The following CNTN5 variants were observed in gnomAD, a reference collection of about 807,000 sequenced individuals.
CNTN5 encodes contactin-5.
A neutral mutation model predicts 129.1 loss-of-function variants in CNTN5; 77 were observed. That is an observed-to-expected ratio of 0.60 (90% CI 0.50 to 0.72). CNTN5 has a LOEUF of 0.72. Ranked by LOEUF, CNTN5 falls within the 30% of genes least tolerant of loss-of-function variation. The pLI is 0.00. For missense variants in CNTN5, 1,478 were observed against 1,328.8 expected (o/e 1.11, Z -1.75); for synonymous variants, 509 against 465.6 (o/e 1.09, Z -1.20).
chr11:99,021,917 C>T (rs1266194797), intron 1 of CNTN5, among the ~76,000 whole-genome samples: 2 of 152,302 alleles, frequency 1.3e-5, no homozygotes, highest in South Asian at 2.1e-4. Flanking sequence ...TCAATTTGCA[C>T]ATACACAAAC....
chr11:100,009,185 A>C (rs11222334), intron 9 of CNTN5, among the ~76,000 whole-genome samples: 1 of 151,880 alleles, frequency 6.6e-6, no homozygotes, highest in Non-Finnish European at 1.5e-5. Flanking sequence ...AGAAACCTCT[A>C]CTTAAATCTG....
At chr11:100,172,142 A>G (rs928506146) in intron 13 of CNTN5, among the ~76,000 whole-genome samples, 38 of 152,200 alleles carry the variant, frequency 2.5e-4, no homozygotes, top group African/African-American at 8.9e-4. Flanking sequence ...GTTTGCATTA[A>G]AACTAATAAT....
chr11:99,962,183 G>C (rs571807932), intron 8 of CNTN5, among the ~76,000 whole-genome samples: 2 of 152,248 alleles, frequency 1.3e-5, no homozygotes, highest in South Asian at 4.1e-4. Context: ...TATACCTTAA[G>C]TTTTAGAGTA....
intron 3 of CNTN5, among the ~76,000 whole-genome samples, chr11:99,595,356 TA>T (rs34885849): frequency 0.97 from 147,811 of 152,090 alleles, 71,968 homozygotes; most frequent in East Asian, 1. Flanking sequence ...AATTATATAT[TA>T]AAAAATAAAA....
intron 4 of CNTN5, among the ~76,000 whole-genome samples, chr11:99,830,641 T>C (rs1444929173): frequency 6.6e-6 from 1 of 152,206 alleles, no homozygotes; most frequent in African/African-American, 2.4e-5. Flanking sequence ...AAATACATCA[T>C]GTCAGTTTCC....
intron 8 of CNTN5, among the ~76,000 whole-genome samples, chr11:99,989,439 A>G (rs1938906035): frequency 6.6e-6 from 1 of 152,146 alleles, no homozygotes; most frequent in Admixed American, 6.6e-5. Flanking sequence ...GGCAGGTCAT[A>G]AAAATCAAAG....
chr11:99,819,554 A>G lies in CNTN5; in HGVS notation c.66A>G (p.Lys22=), dbSNP rs1946719837. 5 of 1,610,842 alleles carry G rather than the reference A, an allele frequency of 3.1e-6. No homozygotes were observed. The highest frequency in any genetic ancestry group is 1.3e-5 in the African/African-American group (1 of 75,002). ...TTTTTTCTCTTACAGAGTATTCAAA[A>G]TCTCTTCCTGGTCTCTCCACTTCAT... The part of the protein sequence containing the change: ...SVTMCLSEYS[K]SLPGLSTSYA... Residue 22 remains lysine (K), a synonymous_variant, in exon 4 of 25, where the codon AAA becomes AAG. Coordinates refer to ENST00000524871, the MANE Select transcript of CNTN5 (RefSeq NM_014361.4).
chr11:100,282,011 T>A (rs1297809696), intron 18 of CNTN5, among the ~76,000 whole-genome samples: 2 of 151,826 alleles, frequency 1.3e-5, no homozygotes, highest in African/African-American at 2.4e-5. Context: ...TTTTTTTTTT[T>A]TTTTACTTTC....
At chr11:99,949,661 C>T (rs10501937) in intron 7 of CNTN5, among the ~76,000 whole-genome samples, 24,929 of 152,084 alleles carry the variant, frequency 0.16, 2,400 homozygotes, top group African/African-American at 0.26. Context: ...AAATTTAGGC[C>T]GCCTTTTGAA....
chr11:99,863,178 C>G (rs965295772), intron 6 of CNTN5, among the ~76,000 whole-genome samples: 1 of 152,116 alleles, frequency 6.6e-6, no homozygotes, highest in Non-Finnish European at 1.5e-5. Context: ...ATAGAAAATA[C>G]GTGAGTTGCT....
intron 3 of CNTN5, among the ~76,000 whole-genome samples, chr11:99,762,405 C>CCAT (rs1944612258): frequency 2.0e-5 from 3 of 151,922 alleles, no homozygotes; most frequent in African/African-American, 7.2e-5. Context: ...TTAGGTCTAA[C>CCAT]GTTTAAGTCT....
chr11:99,436,470 A>G (rs1244611305), intron 2 of CNTN5, among the ~76,000 whole-genome samples: 2 of 152,066 alleles, frequency 1.3e-5, no homozygotes, highest in Non-Finnish European at 2.9e-5. Flanking sequence ...TTTGAATCTT[A>G]CTCACTTTAT....
chr11:99,175,396 T>C (rs778996524), intron 1 of CNTN5, among the ~76,000 whole-genome samples: 9 of 152,094 alleles, frequency 5.9e-5, no homozygotes, highest in Non-Finnish European at 1.0e-4. Flanking sequence ...ATAATCACAA[T>C]TGAAGGCACA....
At chr11:99,566,656 T>C (rs1388276504) in intron 3 of CNTN5, among the ~76,000 whole-genome samples, 1 of 152,196 alleles carries the variant, frequency 6.6e-6, no homozygotes, top group Non-Finnish European at 1.5e-5. Flanking sequence ...GGGTTATGTA[T>C]ATGAAGTCAT....
chr11:99,978,898 T>C (rs989886061), intron 8 of CNTN5, among the ~76,000 whole-genome samples: 3 of 152,138 alleles, frequency 2.0e-5, no homozygotes, highest in African/African-American at 7.2e-5. Context: ...TTGGCATCAT[T>C]TAAAGAAATC....
intron 3 of CNTN5, among the ~76,000 whole-genome samples, chr11:99,756,911 G>GC (rs1288178015): frequency 3.9e-5 from 5 of 128,130 alleles, no homozygotes; most frequent in Admixed American, 8.1e-5. Context: ...AAACAATAGA[G>GC]GGTTTTTTTT....
At chr11:99,804,406 T>C (rs1049144759) in intron 3 of CNTN5, among the ~76,000 whole-genome samples, 2 of 151,988 alleles carry the variant, frequency 1.3e-5, no homozygotes, top group Non-Finnish European at 2.9e-5. Context: ...AAAATTAGAT[T>C]TTTAAACCAT....
At chr11:99,708,806 C>G (rs538216427) in intron 3 of CNTN5, among the ~76,000 whole-genome samples, 1 of 151,660 alleles carries the variant, frequency 6.6e-6, no homozygotes, top group Non-Finnish European at 1.5e-5. Flanking sequence ...TTTTGATCAT[C>G]CTTCTCATTT....
At position 99,376,258 on chromosome 11, in the gene CNTN5, A is replaced by C. The variant is rs1397962966; in HGVS notation, c.-71+50774A>C. Among the ~76,000 whole-genome samples the C allele has an allele frequency of 3.9e-5, 6 of 152,234 alleles. No individual in the cohort carries two copies. The East Asian group carries it at 1.2e-3, about 29-fold the overall frequency. On this transcript the variant is annotated intron_variant, in intron 2 of 24. Transcript: ENST00000524871. ...TCTGCTGACAGAATCAACAATCCCAAAATATAAGGGGCTTAAAACAATAGA... is the reference window on the plus strand; with the variant it reads ...TCTGCTGACAGAATCAACAATCCCACAATATAAGGGGCTTAAAACAATAGA...
Sources: gnomAD v4.1 joint callset for allele counts (sites outside exome capture counted in the v4.1 genomes callset) on GRCh38, gnomAD v4.1.1 for gene constraint, MANE v1.5 for transcripts, NCBI Gene and HGNC (gene_info 2026-07-23, HGNC 2026-07-21) for gene names.